The following MACROD2 variants were observed in gnomAD, a reference collection of about 807,000 sequenced individuals.
The protein encoded by MACROD2 is ADP-ribose glycohydrolase MACROD2.
Under a neutral mutation model 70.4 loss-of-function variants are expected in MACROD2, and 36 were observed. The observed-to-expected ratio is 0.51, with a 90% CI of 0.39 to 0.68. The LOEUF is 0.68. MACROD2 is among the 30% of genes least tolerant of loss of function. The pLI is 0.00. For synonymous variants in MACROD2, 172 were observed against 178.8 expected, an observed-to-expected ratio of 0.96 and a Z score of 0.30; for missense variants, 496 against 538.4, an observed-to-expected ratio of 0.92 and a Z score of 0.78.
chr20:14,028,860 C>A (rs2053213700), intron 2 of MACROD2, among the ~76,000 whole-genome samples: 1 of 152,238 alleles, frequency 6.6e-6, no homozygotes, highest in Non-Finnish European at 1.5e-5. Flanking sequence ...CTGTCTTGCT[C>A]CAGAGCCCAA....
At chr20:14,045,204 C>A (rs1008224444) in intron 2 of MACROD2, among the ~76,000 whole-genome samples, 1 of 152,378 alleles carries the variant, frequency 6.6e-6, no homozygotes, top group South Asian at 2.1e-4. Flanking sequence ...CCGGCTCCGG[C>A]CTTGGCCAGC....
chr20:15,200,261 G>A (rs1319736088), intron 5 of MACROD2, among the ~76,000 whole-genome samples: 1 of 152,190 alleles, frequency 6.6e-6, no homozygotes, highest in Non-Finnish European at 1.5e-5. Context: ...TTTAAATACT[G>A]AAACTTCACA....
intron 5 of MACROD2, among the ~76,000 whole-genome samples, chr20:15,189,319 G>A (rs2076554537): frequency 1.3e-5 from 2 of 151,876 alleles, no homozygotes; most frequent in African/African-American, 4.8e-5. Context: ...TAAGTGTATG[G>A]GGGTATATAT....
intron 5 of MACROD2, among the ~76,000 whole-genome samples, chr20:14,955,970 T>A (rs2074533021): frequency 6.6e-6 from 1 of 152,160 alleles, no homozygotes; most frequent in African/African-American, 2.4e-5. Context: ...TTGCAATCAG[T>A]TTTTCTGAAA....
At chr20:14,966,347 AG>A (rs955294328) in intron 5 of MACROD2, among the ~76,000 whole-genome samples, 4 of 152,178 alleles carry the variant, frequency 2.6e-5, no homozygotes, top group African/African-American at 7.2e-5. Flanking sequence ...AGGCTGAGGC[AG>A]GGGGAGCGTT....
chr20:14,546,480 C>T lies in MACROD2; in HGVS notation c.301+52972C>T, dbSNP rs188648567. Among the ~76,000 whole-genome samples the T allele has an allele frequency of 5.3e-5, 8 of 152,240 alleles. No homozygotes were observed. The East Asian group carries it at 1.5e-3, about 29-fold the overall frequency. On this transcript the variant is annotated intron_variant, in intron 4 of 17. Coordinates refer to ENST00000684519, the MANE Select transcript of MACROD2 (RefSeq NM_001351661.2). ...TTGACTGGTTCAAAGGAAAGAAGGG[C>T]CAATATCCATCATATATTGTTAGGG...
intron 3 of MACROD2, among the ~76,000 whole-genome samples, chr20:14,212,460 G>C (rs2081578641): frequency 6.6e-6 from 1 of 152,100 alleles, no homozygotes; most frequent in African/African-American, 2.4e-5. Context: ...GACGCCTTAA[G>C]AAGAGATGCC....
At chr20:14,664,648 C>A (rs1414769891) in intron 4 of MACROD2, among the ~76,000 whole-genome samples, 1 of 152,034 alleles carries the variant, frequency 6.6e-6, no homozygotes, top group Non-Finnish European at 1.5e-5. Flanking sequence ...TCAAAACCAA[C>A]ACCAGTGCAC....
chr20:14,779,389 T>C (rs2072272174), intron 5 of MACROD2, among the ~76,000 whole-genome samples: 2 of 152,070 alleles, frequency 1.3e-5, no homozygotes, highest in Non-Finnish European at 1.5e-5. Context: ...AATGATATAT[T>C]CACGAGCTAA....
intron 5 of MACROD2, among the ~76,000 whole-genome samples, chr20:15,118,065 C>T (rs1488603355): frequency 6.6e-6 from 1 of 152,034 alleles, no homozygotes; most frequent in Admixed American, 6.6e-5. Context: ...TTTTATGTTG[C>T]ATCAAAATTG....
At chr20:14,861,458 A>G (rs777827746) in intron 5 of MACROD2, among the ~76,000 whole-genome samples, 8 of 152,088 alleles carry the variant, frequency 5.3e-5, no homozygotes, top group Non-Finnish European at 8.8e-5. Context: ...AGACAGTGGC[A>G]AAGCTAGGAA....
At chr20:15,065,812 A>C (rs2075569822) in intron 5 of MACROD2, among the ~76,000 whole-genome samples, 2 of 152,228 alleles carry the variant, frequency 1.3e-5, no homozygotes, top group Non-Finnish European at 2.9e-5. Context: ...ATATTATAAA[A>C]TAAGAGATGT....
intron 5 of MACROD2, among the ~76,000 whole-genome samples, chr20:15,022,078 G>A (rs113564526): frequency 6.6e-6 from 1 of 152,118 alleles, no homozygotes; most frequent in Non-Finnish European, 1.5e-5. Context: ...AGCAAAGTTA[G>A]CAGGAATAAC....
At chr20:15,606,831 C>T (rs2048900037) in intron 8 of MACROD2, among the ~76,000 whole-genome samples, 1 of 151,902 alleles carries the variant, frequency 6.6e-6, no homozygotes, top group Admixed American at 6.6e-5. Flanking sequence ...GGAGAAACCC[C>T]GTCTCTATTA....
At chr20:14,873,935 G>A (rs2073519189) in intron 5 of MACROD2, among the ~76,000 whole-genome samples, 1 of 152,100 alleles carries the variant, frequency 6.6e-6, no homozygotes, top group African/African-American at 2.4e-5. Context: ...ATTGATTGAT[G>A]TTGGTACTTT....
chr20:14,793,427 A>G (rs1452806779), intron 5 of MACROD2, among the ~76,000 whole-genome samples: 1 of 151,714 alleles, frequency 6.6e-6, no homozygotes, highest in Non-Finnish European at 1.5e-5. Context: ...CTGATACTTC[A>G]TTTTATCTCC....
At chr20:16,035,197 T>TATAA (rs1555811413) in intron 15 of MACROD2, among the ~76,000 whole-genome samples, 3 of 126,698 alleles carry the variant, frequency 2.4e-5, no homozygotes, top group Admixed American at 8.3e-5. Flanking sequence ...ATATAAAATA[T>TATAA]AATATAAAAT....
chr20:14,683,369 T>C (rs894476776), intron 4 of MACROD2, among the ~76,000 whole-genome samples: 1 of 152,196 alleles, frequency 6.6e-6, no homozygotes, highest in Non-Finnish European at 1.5e-5. Context: ...CTACCATTAT[T>C]GACAAGGACT....
intron 8 of MACROD2, among the ~76,000 whole-genome samples, chr20:15,838,413 G>A (rs1458236249): frequency 2.0e-5 from 3 of 152,122 alleles, no homozygotes; most frequent in Non-Finnish European, 4.4e-5. Flanking sequence ...CTTACCAGAT[G>A]TGATGCAAAA....
Sources: allele counts gnomAD v4.1 joint callset (sites outside exome capture counted in the v4.1 genomes callset), GRCh38; gene constraint gnomAD v4.1.1; transcripts MANE v1.5; gene names NCBI Gene and HGNC (gene_info 2026-07-23, HGNC 2026-07-21).